The following GABRG3 variants were observed in gnomAD, a reference collection of about 807,000 sequenced individuals.
The protein encoded by GABRG3 is gamma-aminobutyric acid receptor subunit gamma-3.
GABRG3 carries 25 observed loss-of-function variants against 48.8 expected under a neutral mutation model. That is an observed-to-expected ratio of 0.51 (90% confidence interval 0.37 to 0.72). The LOEUF is 0.72. Ranked by LOEUF, GABRG3 falls within the 30% of genes least tolerant of loss-of-function variation. The pLI, the probability that GABRG3 is intolerant of heterozygous loss-of-function variation, is 0.00. For missense variants in GABRG3, 394 were observed against 577.9 expected, an observed-to-expected ratio of 0.68 and a Z score of 3.26; for synonymous variants, 227 against 217.6, an observed-to-expected ratio of 1.04 and a Z score of -0.38.
chr15:27,338,860 T>C (rs985024341), intron 5 of GABRG3, among the ~76,000 whole-genome samples: 2 of 152,330 alleles, frequency 1.3e-5, no homozygotes, highest in South Asian at 4.1e-4. Flanking sequence ...CATTCTAAAC[T>C]CCTGTTGATG....
At chr15:27,007,326 C>T (rs574088924) in intron 2 of GABRG3, among the ~76,000 whole-genome samples, 1 of 152,276 alleles carries the variant, frequency 6.6e-6, no homozygotes, top group Non-Finnish European at 1.5e-5. Context: ...AGTCAGCCTG[C>T]ATCAGCCTCT....
rs988891526 is a variant in GABRG3, at chr15:27,540,976, G to A, written c.*8095G>A. 1.3e-5 allele frequency: 2 copies of A among 152,256 alleles called. No individual in the cohort carries two copies. Among genetic ancestry groups the A allele is most frequent in the East Asian group, 1.9e-4 (1 of 5,192 alleles). The allele number at this position is 152,256 out of a possible 1,614,324, so 9.4% of individuals were successfully genotyped here. A position where few individuals can be genotyped will look rare whatever the true frequency, so the allele number is the denominator to read the frequency against. On this transcript the variant is annotated 3_prime_UTR_variant, in exon 10 of 10. Coordinates refer to ENST00000615808, the MANE Select transcript of GABRG3 (RefSeq NM_033223.5). ...GATAGCGTATTAGCACTAAGCCTCTGGTTAGGATAAAAAGGAGCAAGGGAG... is the reference window on the plus strand; with the variant it reads ...GATAGCGTATTAGCACTAAGCCTCTAGTTAGGATAAAAAGGAGCAAGGGAG...
intron 3 of GABRG3, among the ~76,000 whole-genome samples, chr15:27,029,550 G>C (rs972372625): frequency 2.6e-5 from 4 of 151,898 alleles, no homozygotes; most frequent in Non-Finnish European, 1.5e-5. Flanking sequence ...GCACACACAC[G>C]CACACACACG....
intron 5 of GABRG3, among the ~76,000 whole-genome samples, chr15:27,380,763 GTTTT>G (rs71132807): frequency 3.5e-5 from 4 of 115,208 alleles, no homozygotes; most frequent in Admixed American, 8.9e-5. Flanking sequence ...GTTCTGTGTG[GTTTT>G]TTTTTTTTTT....
chr15:27,499,199 A>G (rs779770332), intron 6 of GABRG3, among the ~76,000 whole-genome samples: 1 of 152,232 alleles, frequency 6.6e-6, no homozygotes, highest in East Asian at 1.9e-4. Flanking sequence ...ACAAAGATAT[A>G]AGACTAATTC....
intron 7 of GABRG3, among the ~76,000 whole-genome samples, chr15:27,520,735 T>C (rs946638555): frequency 7.3e-5 from 11 of 150,370 alleles, no homozygotes; most frequent in African/African-American, 2.7e-4. Flanking sequence ...TGCTTAACTT[T>C]CAATGTTTTG....
chr15:27,523,995 C>T (rs1032621660), intron 7 of GABRG3, among the ~76,000 whole-genome samples: 1 of 151,940 alleles, frequency 6.6e-6, no homozygotes, highest in Non-Finnish European at 1.5e-5. Flanking sequence ...ATAAAAAATA[C>T]TCAAATTTGC....
chr15:27,425,126 C>T (rs915233253), intron 5 of GABRG3, among the ~76,000 whole-genome samples: 1 of 152,162 alleles, frequency 6.6e-6, no homozygotes, highest in Non-Finnish European at 1.5e-5. Flanking sequence ...TAAGAGCTGT[C>T]CGTACAACTC....
chr15:27,152,741 A>G (rs532074214), intron 3 of GABRG3, among the ~76,000 whole-genome samples: 30 of 152,228 alleles, frequency 2.0e-4, no homozygotes, highest in Non-Finnish European at 3.5e-4. Flanking sequence ...TGTTCTTTGC[A>G]TATTTCAGAT....
At chr15:26,980,410 G>A (rs1158699031) in intron 2 of GABRG3, among the ~76,000 whole-genome samples, 1 of 151,926 alleles carries the variant, frequency 6.6e-6, no homozygotes, top group Non-Finnish European at 1.5e-5. Context: ...GGGTGCGGTG[G>A]CTCATGCCTG....
At chr15:27,448,809 A>G (rs1346064797) in intron 5 of GABRG3, among the ~76,000 whole-genome samples, 3 of 151,522 alleles carry the variant, frequency 2.0e-5, no homozygotes, top group East Asian at 1.9e-4. Context: ...GCATGCACAC[A>G]CACAAAATAA....
chr15:27,152,641 ATCT>A (rs1257479418), intron 3 of GABRG3, among the ~76,000 whole-genome samples: 2 of 152,122 alleles, frequency 1.3e-5, no homozygotes, highest in Admixed American at 6.6e-5. Flanking sequence ...GTGATTTTAG[ATCT>A]TCTTTGATTT....
intron 6 of GABRG3, among the ~76,000 whole-genome samples, chr15:27,517,305 T>G (rs1201705082): frequency 6.6e-6 from 1 of 152,118 alleles, no homozygotes; most frequent in Non-Finnish European, 1.5e-5. Flanking sequence ...ACCTCCATAT[T>G]GTGCATACCT....
intron 5 of GABRG3, among the ~76,000 whole-genome samples, chr15:27,425,849 C>T (rs1267038480): frequency 7.2e-6 from 1 of 138,834 alleles, no homozygotes; most frequent in African/African-American, 2.7e-5. Context: ...TTTTCTAAAT[C>T]TTCTTCTTTT....
chr15:27,244,669 G>C (rs1157407623), intron 3 of GABRG3, among the ~76,000 whole-genome samples: 1 of 152,144 alleles, frequency 6.6e-6, no homozygotes, highest in East Asian at 1.9e-4. Flanking sequence ...TGTAGTCCCA[G>C]CTACTCAGGA....
intron 3 of GABRG3, among the ~76,000 whole-genome samples, chr15:27,240,765 T>G (rs1348860277): frequency 6.6e-6 from 1 of 152,206 alleles, no homozygotes; most frequent in Non-Finnish European, 1.5e-5. Flanking sequence ...TCACAGAGAC[T>G]TAAGTGTATT....
At chr15:27,248,805 G>GAGAC (rs1890352205) in intron 3 of GABRG3, among the ~76,000 whole-genome samples, 1 of 80,206 alleles carries the variant, frequency 1.2e-5, no homozygotes, top group African/African-American at 6.0e-5. Flanking sequence ...CACACACACA[G>GAGAC]AGAGAGAGAG....
At chr15:27,463,604 C>T (rs957177012) in intron 5 of GABRG3, among the ~76,000 whole-genome samples, 7 of 152,132 alleles carry the variant, frequency 4.6e-5, no homozygotes, top group Non-Finnish European at 1.5e-5. Flanking sequence ...GTGTGACCAG[C>T]CCTGCCCCTT....
intron 9 of GABRG3, among the ~76,000 whole-genome samples, chr15:27,531,148 C>T (rs1255143831): frequency 6.6e-6 from 1 of 152,100 alleles, no homozygotes; most frequent in South Asian, 2.1e-4. Context: ...ACCGTGAGGC[C>T]CCAATGGTAG....
Sources: gnomAD v4.1 joint callset for allele counts (sites outside exome capture counted in the v4.1 genomes callset) on GRCh38, gnomAD v4.1.1 for gene constraint, MANE v1.5 for transcripts, NCBI Gene and HGNC (gene_info 2026-07-23, HGNC 2026-07-21) for gene names.